The following CSMD1 variants were observed in gnomAD, a reference collection of about 807,000 sequenced individuals.
CSMD1 encodes CUB and Sushi multiple domains 1, also known as CUB and sushi domain-containing protein 1.
Under a neutral mutation model 417.5 loss-of-function variants are expected in CSMD1, and 213 were observed. The ratio of observed to expected loss-of-function variants is 0.51; its 90% CI spans 0.46 to 0.57. CSMD1 has a LOEUF of 0.57. CSMD1 is among the 20% of genes least tolerant of loss of function. The pLI, the probability that CSMD1 is intolerant of heterozygous loss-of-function variation, is 0.00. For synonymous variants in CSMD1, 2,862 were observed against 1,736.8 expected (o/e 1.65, Z -16.11); for missense variants, 6,923 against 4,529.7 (o/e 1.53, Z -15.17).
chr8:4,053,600 G>C (rs1229779369), intron 3 of CSMD1, among the ~76,000 whole-genome samples: 4 of 151,936 alleles, frequency 2.6e-5, no homozygotes, highest in East Asian at 1.9e-4. Context: ...AGCAACCTCT[G>C]ATCTCCTTTC....
chr8:4,666,267 T>C (rs1804921938), intron 1 of CSMD1, among the ~76,000 whole-genome samples: 1 of 152,196 alleles, frequency 6.6e-6, no homozygotes, highest in Admixed American at 6.5e-5. Context: ...GAATCACGGT[T>C]GCTAATAAGC....
intron 1 of CSMD1, among the ~76,000 whole-genome samples, chr8:4,713,154 T>C (rs1401130682): frequency 6.6e-6 from 1 of 152,192 alleles, no homozygotes; most frequent in Non-Finnish European, 1.5e-5. Flanking sequence ...AAAATGCAAA[T>C]GTGTTCCCCG....
intron 3 of CSMD1, among the ~76,000 whole-genome samples, chr8:4,329,186 C>T (rs1799726198): frequency 6.6e-6 from 1 of 152,148 alleles, no homozygotes. Context: ...TGGAGAATAA[C>T]AAGTATAGAG....
At chr8:4,033,313 G>A (rs929692091) in intron 3 of CSMD1, among the ~76,000 whole-genome samples, 2 of 151,824 alleles carry the variant, frequency 1.3e-5, no homozygotes, top group African/African-American at 4.8e-5. Context: ...GTGGTGGCGG[G>A]CACCTGTAGT....
At chr8:3,703,758 G>A (rs915585515) in intron 7 of CSMD1, among the ~76,000 whole-genome samples, 2 of 152,090 alleles carry the variant, frequency 1.3e-5, no homozygotes, top group East Asian at 3.9e-4. Context: ...TCTATGGCCA[G>A]CTATTACATA....
At chr8:4,588,833 C>G (rs908815440) in intron 2 of CSMD1, among the ~76,000 whole-genome samples, 10 of 150,688 alleles carry the variant, frequency 6.6e-5, no homozygotes, top group Non-Finnish European at 1.3e-4. Context: ...GTGCTTGATT[C>G]TGTTCACAGG....
chr8:4,784,862 A>G (rs773440834), intron 1 of CSMD1, among the ~76,000 whole-genome samples: 3 of 152,198 alleles, frequency 2.0e-5, no homozygotes, highest in Non-Finnish European at 4.4e-5. Flanking sequence ...TTAAAACTAA[A>G]TTTGCTGAGG....
Position 3,181,161 on chromosome 8 carries a change from AAT to A in CSMD1, c.5672_5673del (p.His1891LeufsTer4). 6.2e-7 allele frequency: 1 copy of A among 1,613,932 alleles called. No individual in the cohort carries two copies. The highest frequency in any genetic ancestry group is 8.5e-7 in the Non-Finnish European group (1 of 1,179,868). On this transcript the variant is annotated frameshift_variant, in exon 37 of 70. Transcript: ENST00000635120. LOFTEE classifies it high-confidence loss of function. ...GCTGCCACACTAATGTCAGACTGGAAATGCAGGTAGAGTTGGTTGGAAGTACT... is the reference window on the plus strand; with the variant it reads ...GCTGCCACACTAATGTCAGACTGGAAGCAGGTAGAGTTGGTTGGAAGTACT... ...LNSTSNQLYLHFQSDISVAAA... is the reference protein window; with the variant it reads ...LNSTSNQLYLXFQSDISVAAA...
intron 3 of CSMD1, among the ~76,000 whole-genome samples, chr8:4,234,957 G>T (rs145034876): frequency 6.6e-6 from 1 of 152,064 alleles, no homozygotes; most frequent in Non-Finnish European, 1.5e-5. Context: ...CTAAGGGCGG[G>T]GTGTTCATGA....
intron 10 of CSMD1, among the ~76,000 whole-genome samples, chr8:3,494,852 A>G (rs1796301708): frequency 6.6e-6 from 1 of 152,180 alleles, no homozygotes; most frequent in East Asian, 1.9e-4. Context: ...TAGCGTAGAA[A>G]AGTATCAAAT....
At chr8:4,069,748 G>C (rs548379138) in intron 3 of CSMD1, among the ~76,000 whole-genome samples, 2 of 152,108 alleles carry the variant, frequency 1.3e-5, no homozygotes, top group African/African-American at 4.8e-5. Flanking sequence ...TAGGAATGCT[G>C]TCTACTTCAC....
At chr8:4,333,075 C>T (rs1400737819) in intron 3 of CSMD1, among the ~76,000 whole-genome samples, 1 of 152,074 alleles carries the variant, frequency 6.6e-6, no homozygotes, top group African/African-American at 2.4e-5. Flanking sequence ...CATAGAAATA[C>T]TACTTTTTTC....
At chr8:3,593,523 C>A (rs919802166) in intron 8 of CSMD1, among the ~76,000 whole-genome samples, 2 of 152,000 alleles carry the variant, frequency 1.3e-5, no homozygotes, top group African/African-American at 2.4e-5. Flanking sequence ...CTCCACAGCC[C>A]GGGCCCTTAA....
chr8:4,005,283 G>GAAAAT (rs1227447237), intron 4 of CSMD1, among the ~76,000 whole-genome samples: 17 of 152,184 alleles, frequency 1.1e-4, no homozygotes, highest in African/African-American at 3.9e-4. Flanking sequence ...ATAACTTATA[G>GAAAAT]AAAATAAAAT....
chr8:4,033,405 G>T (rs1797457625), intron 3 of CSMD1, among the ~76,000 whole-genome samples: 1 of 152,136 alleles, frequency 6.6e-6, no homozygotes, highest in Non-Finnish European at 1.5e-5. Flanking sequence ...TCGCACCACT[G>T]CACTCCAGCG....
intron 49 of CSMD1, among the ~76,000 whole-genome samples, chr8:3,060,759 G>A (rs1215710078): frequency 6.6e-6 from 1 of 152,166 alleles, no homozygotes; most frequent in Admixed American, 6.5e-5. Context: ...AAGAGGTGGG[G>A]CATTTAAAAG....
intron 12 of CSMD1, among the ~76,000 whole-genome samples, chr8:3,413,820 G>T (rs895797627): frequency 1.3e-5 from 2 of 152,186 alleles, no homozygotes; most frequent in East Asian, 3.9e-4. Context: ...CTATGTCAGA[G>T]ACGATTTTAA....
intron 49 of CSMD1, among the ~76,000 whole-genome samples, chr8:3,060,281 G>C (rs1296259736): frequency 6.6e-6 from 1 of 151,906 alleles, no homozygotes; most frequent in Non-Finnish European, 1.5e-5. Context: ...GAGTAGCTGG[G>C]ATTACAGGCG....
At position 3,996,248 on chromosome 8, in the gene CSMD1, G is replaced by A. The variant is rs2554676; in HGVS notation, c.818+1655C>T. Among the ~76,000 whole-genome samples, 966 of 152,122 alleles carry A rather than the reference G, an allele frequency of 6.4e-3. 23 individuals carry two copies. In the East Asian group the frequency reaches 0.077, roughly 12 times the overall value. The stretch of plus-strand genomic sequence containing the variant: ...TGTGCAGTCAATGCCCAATACCTCT[G>A]GACTGTCCTAAAAATAAGACCTTTA... On this transcript the variant is annotated intron_variant, in intron 5 of 69. Transcript: ENST00000635120.
Sources: allele counts gnomAD v4.1 joint callset (sites outside exome capture counted in the v4.1 genomes callset), GRCh38; gene constraint gnomAD v4.1.1; transcripts MANE v1.5; gene names NCBI Gene and HGNC (gene_info 2026-07-23, HGNC 2026-07-21).